ARHGAP26: variants seen among roughly 807,000 people sequenced by gnomAD.
ARHGAP26 encodes rho GTPase-activating protein 26.
ARHGAP26 carries 38 observed loss-of-function variants against 104.8 expected under a neutral mutation model. The observed-to-expected ratio is 0.36, with a 90% CI of 0.28 to 0.48. ARHGAP26 has a LOEUF of 0.48. Among genes scored for constraint, ARHGAP26 ranks in the 20% least tolerant of loss-of-function variants. The probability of loss-of-function intolerance (pLI) is 0.99; values close to 1 mark genes in which losing one functional copy is unlikely to be tolerated. For synonymous variants in ARHGAP26, 341 were observed against 340.0 expected (o/e 1.00, Z -0.03); for missense variants, 704 against 947.9 (o/e 0.74, Z 3.38).
At chr5:143,128,242 A>T (rs559484671) in intron 18 of ARHGAP26, among the ~76,000 whole-genome samples, 2 of 152,334 alleles carry the variant, frequency 1.3e-5, no homozygotes, top group South Asian at 4.1e-4. Context: ...TGAATTGTGA[A>T]GCTCCTTTAA....
intron 1 of ARHGAP26, among the ~76,000 whole-genome samples, chr5:142,795,320 G>A (rs1165690075): frequency 1.3e-5 from 2 of 150,880 alleles, no homozygotes; most frequent in African/African-American, 4.9e-5. Flanking sequence ...TGCTCAGAAA[G>A]TGTTGGCTCT....
intron 20 of ARHGAP26, among the ~76,000 whole-genome samples, chr5:143,147,755 C>T (rs1169167017): frequency 2.6e-5 from 4 of 152,110 alleles, no homozygotes; most frequent in African/African-American, 4.8e-5. Context: ...TATGTTGTCT[C>T]GGTTTCCCTC....
chr5:142,876,057 T>G (rs1469500327), intron 3 of ARHGAP26, among the ~76,000 whole-genome samples: 1 of 152,218 alleles, frequency 6.6e-6, no homozygotes, highest in Non-Finnish European at 1.5e-5. Flanking sequence ...TCTGATATAG[T>G]TCAGCATTAG....
intron 1 of ARHGAP26, among the ~76,000 whole-genome samples, chr5:142,800,748 A>G (rs1220077824): frequency 6.6e-6 from 1 of 152,106 alleles, no homozygotes; most frequent in East Asian, 1.9e-4. Context: ...GGCTTTCCAC[A>G]ACTATTCTCG....
chr5:142,899,193 G>T (rs1378590774), intron 6 of ARHGAP26, among the ~76,000 whole-genome samples: 1 of 152,126 alleles, frequency 6.6e-6, no homozygotes, highest in Non-Finnish European at 1.5e-5. Context: ...CATTTAACTT[G>T]ATTACCCATG....
chr5:143,072,538 C>T (rs1439253607), intron 17 of ARHGAP26, among the ~76,000 whole-genome samples: 1 of 152,150 alleles, frequency 6.6e-6, no homozygotes, highest in Non-Finnish European at 1.5e-5. Context: ...TAATATGTGG[C>T]ATGTGTATAT....
chr5:142,842,864 A>G (rs1771082991), intron 1 of ARHGAP26, among the ~76,000 whole-genome samples: 1 of 152,196 alleles, frequency 6.6e-6, no homozygotes, highest in South Asian at 2.1e-4. Context: ...TTATGTGTGG[A>G]GACTTCAGAG....
At chr5:143,097,896 CAT>C (rs1397182694) in intron 17 of ARHGAP26, among the ~76,000 whole-genome samples, 4 of 151,116 alleles carry the variant, frequency 2.6e-5, no homozygotes, top group African/African-American at 9.7e-5. Flanking sequence ...ATGTCTCTGA[CAT>C]ATTTCATTTG....
intron 17 of ARHGAP26, among the ~76,000 whole-genome samples, chr5:143,068,411 C>T (rs1787812856): frequency 6.6e-6 from 1 of 152,114 alleles, no homozygotes. Flanking sequence ...GCTACCACCA[C>T]AATATCCACA....
intron 17 of ARHGAP26, among the ~76,000 whole-genome samples, chr5:143,116,085 G>T (rs539158951): frequency 1.3e-5 from 2 of 152,264 alleles, no homozygotes; most frequent in African/African-American, 2.4e-5. Flanking sequence ...TAGTGTGGGG[G>T]TGTGTGCCTG....
chr5:142,902,628 G>A (rs541791109), intron 7 of ARHGAP26, among the ~76,000 whole-genome samples: 145 of 152,338 alleles, frequency 9.5e-4, no homozygotes, highest in African/African-American at 3.3e-3. Context: ...CTTCTTCACT[G>A]TGGGATTGGA....
intron 1 of ARHGAP26, among the ~76,000 whole-genome samples, chr5:142,775,046 C>T (rs188082222): frequency 1.1e-3 from 160 of 152,008 alleles, no homozygotes; most frequent in Non-Finnish European, 8.8e-4. Flanking sequence ...TAAACATTTG[C>T]GTGCAGTTTA....
intron 1 of ARHGAP26, among the ~76,000 whole-genome samples, chr5:142,818,892 A>G (rs1260308808): frequency 6.6e-6 from 1 of 151,986 alleles, no homozygotes; most frequent in African/African-American, 2.4e-5. Context: ...CCCTGACCCT[A>G]TGATAAGGTT....
intron 20 of ARHGAP26, among the ~76,000 whole-genome samples, chr5:143,200,527 A>G (rs1045868297): frequency 1.3e-5 from 2 of 152,302 alleles, no homozygotes; most frequent in East Asian, 3.9e-4. Flanking sequence ...AAGGCTATAT[A>G]ATTGCATTGG....
chr5:142,944,932 C>T (rs546304255), intron 11 of ARHGAP26, among the ~76,000 whole-genome samples: 23 of 152,268 alleles, frequency 1.5e-4, no homozygotes, highest in African/African-American at 5.5e-4. Flanking sequence ...AGCGCCGCCC[C>T]CTCCCCAACC....
chr5:142,781,585 G>A (rs1293231567), intron 1 of ARHGAP26, among the ~76,000 whole-genome samples: 1 of 152,174 alleles, frequency 6.6e-6, no homozygotes, highest in Admixed American at 6.5e-5. Context: ...CCTTAGGCTT[G>A]GGTGCAGGTG....
chr5:143,176,909 G>A (rs1406616702), intron 20 of ARHGAP26, among the ~76,000 whole-genome samples: 7 of 152,178 alleles, frequency 4.6e-5, no homozygotes, highest in Admixed American at 4.6e-4. Flanking sequence ...ATTACGTATT[G>A]CAAGGAGCCA....
At position 143,069,057 on chromosome 5, in the gene ARHGAP26, A is replaced by T. The variant is rs560556996; in HGVS notation, c.1538+11310A>T. Among the ~76,000 whole-genome samples, 7 of 150,692 alleles carry T rather than the reference A, an allele frequency of 4.6e-5. No individual in the cohort carries two copies. In the South Asian group the frequency reaches 1.5e-3, roughly 32 times the overall value. ...TCAGTCCTGTTTGCTATGCCCCAGGACTCTGTCCTTCAGGCCTCAGACCTC... is the reference window on the plus strand; with the variant it reads ...TCAGTCCTGTTTGCTATGCCCCAGGTCTCTGTCCTTCAGGCCTCAGACCTC... On this transcript the variant is annotated intron_variant, in intron 17 of 22. Coordinates refer to ENST00000645722, the MANE Select transcript of ARHGAP26 (RefSeq NM_001135608.3).
chr5:142,925,434 C>T (rs1001831909), intron 10 of ARHGAP26, among the ~76,000 whole-genome samples: 2 of 152,136 alleles, frequency 1.3e-5, no homozygotes, highest in East Asian at 1.9e-4. Context: ...ACCGAGTCTC[C>T]GTAGACATTT....
Sources: allele counts gnomAD v4.1 joint callset (sites outside exome capture counted in the v4.1 genomes callset), GRCh38; gene constraint gnomAD v4.1.1; transcripts MANE v1.5; gene names NCBI Gene and HGNC (gene_info 2026-07-23, HGNC 2026-07-21).